SEC22A: variants seen among roughly 807,000 people sequenced by gnomAD.
SEC22A encodes vesicle-trafficking protein SEC22a.
Under a neutral mutation model 35.3 loss-of-function variants are expected in SEC22A, and 22 were observed. The observed-to-expected ratio is 0.62, with a 90% confidence interval of 0.45 to 0.89. SEC22A has a LOEUF of 0.89. SEC22A is among the 40% of genes least tolerant of loss of function. SEC22A has a pLI of 0.00. For missense variants in SEC22A, 354 were observed against 362.5 expected (o/e 0.98, Z 0.19); for synonymous variants, 119 against 129.5 (o/e 0.92, Z 0.55).
chr3:123,236,526 C>T (rs9833978), intron 4 of SEC22A, among the ~76,000 whole-genome samples: 29,900 of 152,044 alleles, frequency 0.2, 3,049 homozygotes, highest in Middle Eastern at 0.27. Flanking sequence ...TGGAGAGCGT[C>T]TCTCCAGCTT....
At chr3:123,221,470 CAAAAAAAA>C (rs56800842) in intron 2 of SEC22A, among the ~76,000 whole-genome samples, 1 of 60,612 alleles carries the variant, frequency 1.6e-5, no homozygotes, top group East Asian at 6.4e-4. Context: ...GAGTCCATCT[CAAAAAAAA>C]AAAAAAAAAA....
intron 5 of SEC22A, among the ~76,000 whole-genome samples, chr3:123,258,926 CATTCT>C (rs1345439225): frequency 6.6e-6 from 1 of 152,124 alleles, no homozygotes; most frequent in East Asian, 1.9e-4. Context: ...TTTTCAGAGA[CATTCT>C]ATGCATGAGG....
chr3:123,249,783 C>T (rs958845261), intron 5 of SEC22A, among the ~76,000 whole-genome samples: 2 of 152,116 alleles, frequency 1.3e-5, no homozygotes, highest in Admixed American at 1.3e-4. Context: ...CTTGGCCTCC[C>T]AAAGTGCTGG....
Position 123,209,366 on chromosome 3 carries a change from G to C in SEC22A, c.149G>C (p.Arg50Thr). ...AGGAAACTTGCTCAACTTCCTGATA[G>C]ATGTACACTGAAAACTGGACATTAT... ...LSRKLAQLPD[R>T]CTLKTGHYNI... Residue 50 changes from arginine (R) to threonine (T), a missense_variant, in exon 2 of 7, where the codon AGA (arginine) becomes ACA (threonine). By Grantham distance (71) the Arg-to-Thr change is moderately conservative. Coordinates refer to ENST00000492595, the MANE Select transcript of SEC22A (RefSeq NM_012430.5). 6.2e-7 allele frequency: 1 copy of C among 1,613,812 alleles called. No individual in the cohort carries two copies. The highest frequency in any genetic ancestry group is 8.5e-7 in the Non-Finnish European group (1 of 1,179,786).
chr3:123,269,261 A>C (rs976825407), intron 6 of SEC22A, among the ~76,000 whole-genome samples: 1 of 151,254 alleles, frequency 6.6e-6, no homozygotes, highest in African/African-American at 2.4e-5. Flanking sequence ...TAGCATTCCA[A>C]GCAATAAATA....
chr3:123,264,285 C>T (rs1309458806), intron 6 of SEC22A, among the ~76,000 whole-genome samples: 3 of 152,196 alleles, frequency 2.0e-5, no homozygotes, highest in African/African-American at 7.2e-5. Context: ...CAATTATGTG[C>T]AGGTTTTTGT....
chr3:123,215,077 G>A (rs879936565), intron 2 of SEC22A, among the ~76,000 whole-genome samples: 28 of 152,132 alleles, frequency 1.8e-4, no homozygotes, highest in Non-Finnish European at 1.8e-4. Flanking sequence ...CCCAATTATT[G>A]AGTACTTGCT....
chr3:123,224,737 G>A (rs1448023575), intron 3 of SEC22A, among the ~76,000 whole-genome samples: 2 of 152,072 alleles, frequency 1.3e-5, no homozygotes, highest in African/African-American at 4.8e-5. Context: ...GTTACAGTGA[G>A]CTATGATTGT....
At chr3:123,237,257 A>G (rs1937439166) in intron 4 of SEC22A, among the ~76,000 whole-genome samples, 1 of 152,380 alleles carries the variant, frequency 6.6e-6, no homozygotes, top group East Asian at 1.9e-4. Context: ...ATATACTGAT[A>G]TCTTTATCAG....
chr3:123,227,689 A>G (rs1937239355), intron 4 of SEC22A, among the ~76,000 whole-genome samples: 1 of 152,322 alleles, frequency 6.6e-6, no homozygotes, highest in African/African-American at 2.4e-5. Flanking sequence ...ACAAAGGGCA[A>G]AATTTTCAAT....
At chr3:123,235,964 T>C (rs1404351270) in intron 4 of SEC22A, among the ~76,000 whole-genome samples, 1 of 152,182 alleles carries the variant, frequency 6.6e-6, no homozygotes, top group Non-Finnish European at 1.5e-5. Context: ...CACATATTAA[T>C]CATTCTCTTT....
intron 5 of SEC22A, among the ~76,000 whole-genome samples, chr3:123,253,661 G>T (rs961161170): frequency 1.4e-5 from 2 of 144,006 alleles, no homozygotes; most frequent in Non-Finnish European, 3.0e-5. Flanking sequence ...GTAGTGAGCC[G>T]AAGATTGTGC....
chr3:123,223,567 G>T lies in SEC22A; in HGVS notation c.191G>T (p.Ser64Ile), dbSNP rs778435670. The T allele has an allele frequency of 2.5e-6, 4 of 1,610,724 alleles. No homozygotes were observed. The South Asian group carries it at 4.4e-5, about 18-fold the overall frequency. The part of the protein sequence containing the change: ...KTGHYNINFI[S>I]SLGVSYMMLC... The stretch of plus-strand genomic sequence containing the variant: ...TGTTTTTTACACTGTAGTTTTATTA[G>T]CTCTCTGGGAGTGAGCTACATGATG... Residue 64 changes from serine to isoleucine, a missense_variant, in exon 3 of 7, where the codon AGC becomes ATC. By Grantham distance (142) the Ser-to-Ile change is moderately radical (BLOSUM62 -2). Coordinates refer to ENST00000492595, the MANE Select transcript of SEC22A (RefSeq NM_012430.5).
intron 5 of SEC22A, among the ~76,000 whole-genome samples, chr3:123,259,298 G>C (rs1372551427): frequency 6.6e-6 from 1 of 152,116 alleles, no homozygotes; most frequent in African/African-American, 2.4e-5. Flanking sequence ...GAATGAAATT[G>C]ATGGGGGTGG....
At chr3:123,266,435 G>A (rs1043357651) in intron 6 of SEC22A, among the ~76,000 whole-genome samples, 11 of 151,838 alleles carry the variant, frequency 7.2e-5, no homozygotes, top group African/African-American at 9.7e-5. Context: ...AAAGATTTCC[G>A]TCTTAGCACT....
At position 123,259,485 on chromosome 3, in the gene SEC22A, C is replaced by T. The variant is rs779428625; in HGVS notation, c.658-39C>T. 3 of 1,449,966 alleles carry T rather than the reference C, an allele frequency of 2.1e-6. No homozygotes were observed. In the Admixed American group the frequency reaches 5.2e-5, roughly 25 times the overall value. The allele number at this position is 1,449,966 out of a possible 1,614,324, so 89.8% of individuals were successfully genotyped here. On this transcript the variant is annotated intron_variant, in intron 5 of 6. Coordinates refer to ENST00000492595, the MANE Select transcript of SEC22A (RefSeq NM_012430.5). ...TGGATTGTTTCTGGAAATGGGCTCC[C>T]ACCGGAAACAAAAATAATCTTTTAT... is the stretch of plus-strand genomic sequence containing the variant.
intron 5 of SEC22A, among the ~76,000 whole-genome samples, chr3:123,254,771 A>G (rs1360946568): frequency 1.3e-5 from 2 of 151,874 alleles, no homozygotes; most frequent in Non-Finnish European, 2.9e-5. Context: ...TCTAGGGTAC[A>G]TGTGCACAAC....
intron 6 of SEC22A, among the ~76,000 whole-genome samples, chr3:123,266,977 T>G (rs1359445987): frequency 6.6e-6 from 1 of 152,194 alleles, no homozygotes; most frequent in East Asian, 1.9e-4. Flanking sequence ...TCTTGTTGGG[T>G]GAGCCCATTT....
intron 2 of SEC22A, among the ~76,000 whole-genome samples, chr3:123,214,803 C>A (rs766932669): frequency 1.3e-5 from 2 of 152,120 alleles, no homozygotes; most frequent in Non-Finnish European, 2.9e-5. Context: ...TTTTGGGAAG[C>A]CAATCATATC....
Sources: gnomAD v4.1 joint callset for allele counts (sites outside exome capture counted in the v4.1 genomes callset) on GRCh38, gnomAD v4.1.1 for gene constraint, MANE v1.5 for transcripts, NCBI Gene and HGNC (gene_info 2026-07-23, HGNC 2026-07-21) for gene names.